The following IGF2BP3 variants were observed in gnomAD, a reference collection of about 807,000 sequenced individuals.
IGF2BP3 encodes the protein insulin like growth factor 2 mRNA binding protein 3, also known as insulin-like growth factor 2 mRNA-binding protein 3.
In IGF2BP3, 9 loss-of-function variants were observed where a neutral mutation model predicts 73.8. The ratio of observed to expected loss-of-function variants is 0.12; its 90% confidence interval spans 0.07 to 0.21. The LOEUF is 0.21. Among genes scored for constraint, IGF2BP3 ranks in the 10% least tolerant of loss-of-function variants. The pLI, the probability that IGF2BP3 is intolerant of heterozygous loss-of-function variation, is 1.00. For synonymous variants in IGF2BP3, 258 were observed against 256.7 expected (o/e 1.01, Z -0.05); for missense variants, 542 against 714.0 (o/e 0.76, Z 2.75).
intron 2 of IGF2BP3, among the ~76,000 whole-genome samples, chr7:23,436,970 G>C (rs1787821317): frequency 6.6e-6 from 1 of 151,896 alleles, no homozygotes; most frequent in South Asian, 2.1e-4. Flanking sequence ...ACAAAAATTA[G>C]CCAGGCATGG....
rs535540262 is a variant in IGF2BP3 at position 23,469,906 on chromosome 7, G to C, written c.175+30C>G. ...GGCGGGCGGTGCAGGGCTGGGGCGA[G>C]AGCCCGGGTGGGGCCAGGCCCGGGC... On this transcript the variant is annotated intron_variant, in intron 1 of 14. Transcript: ENST00000258729. This position sits in a 1 kb window ranked among gnomAD's most constrained non-coding sequence, Gnocchi z 6.1. The C allele has an allele frequency of 5.1e-6, 8 of 1,567,148 alleles. No homozygotes were observed. In the African/African-American group the frequency reaches 9.6e-5, roughly 19 times the overall value.
intron 2 of IGF2BP3, among the ~76,000 whole-genome samples, chr7:23,447,534 A>C (rs963365581): frequency 5.3e-5 from 8 of 151,864 alleles, no homozygotes; most frequent in African/African-American, 1.9e-4. Context: ...CTGAGGAATG[A>C]GAATTGCTTG....
At chr7:23,405,449 A>C (rs1329223458) in intron 3 of IGF2BP3, among the ~76,000 whole-genome samples, 1 of 152,220 alleles carries the variant, frequency 6.6e-6, no homozygotes, top group African/African-American at 2.4e-5. Context: ...GCCTAGACTC[A>C]GCAGCAAAAA....
At chr7:23,341,610 C>T (rs1015009094) in intron 10 of IGF2BP3, among the ~76,000 whole-genome samples, 21 of 152,144 alleles carry the variant, frequency 1.4e-4, no homozygotes, top group African/African-American at 5.1e-4. Flanking sequence ...GTGAAGGTTG[C>T]AGTGAGTCAA....
chr7:23,457,125 C>T (rs1302883627), intron 2 of IGF2BP3, among the ~76,000 whole-genome samples: 1 of 152,062 alleles, frequency 6.6e-6, no homozygotes, highest in Admixed American at 6.6e-5. Context: ...ATGTCCACAT[C>T]TTTTGACATA....
Position 23,376,016 on chromosome 7 carries a change from C to G in IGF2BP3, c.286-14275G>C, listed in dbSNP as rs1207390477. On this transcript the variant is annotated intron_variant, in intron 3 of 14. Transcript: ENST00000258729. ...ATTTAGCATGAGCAGTTCTCAACAT[C>G]CCATCAATAGGTGCAGTTAAGAATA... Among the ~76,000 whole-genome samples the G allele has an allele frequency of 2.6e-5, 4 of 152,186 alleles. No homozygotes were observed. In the East Asian group the frequency reaches 7.7e-4, roughly 29 times the overall value.
chr7:23,340,423 T>C (rs1245760104), intron 10 of IGF2BP3, among the ~76,000 whole-genome samples: 4 of 152,334 alleles, frequency 2.6e-5, no homozygotes, highest in African/African-American at 9.6e-5. Context: ...GAAATTTTCA[T>C]TTTTAAAAGG....
intron 3 of IGF2BP3, among the ~76,000 whole-genome samples, chr7:23,406,419 T>G (rs1240113930): frequency 6.6e-6 from 1 of 152,170 alleles, no homozygotes; most frequent in African/African-American, 2.4e-5. Context: ...AGCCGTGGAC[T>G]CCCACGGTGA....
At chr7:23,445,043 G>C (rs1044816205) in intron 2 of IGF2BP3, among the ~76,000 whole-genome samples, 2 of 152,334 alleles carry the variant, frequency 1.3e-5, no homozygotes, top group East Asian at 3.9e-4. Context: ...GGGCGGCAGA[G>C]TGAGACCCTG....
intron 2 of IGF2BP3, among the ~76,000 whole-genome samples, chr7:23,438,870 C>T (rs1182059231): frequency 1.3e-5 from 2 of 151,940 alleles, no homozygotes; most frequent in South Asian, 2.1e-4. Flanking sequence ...GACTGAGATG[C>T]TAAAAAAAAT....
At position 23,372,072 on chromosome 7, in the gene IGF2BP3, GT is replaced by G. The variant is rs571101695; in HGVS notation, c.286-10332del. The stretch of plus-strand genomic sequence containing the variant: ...AGGTGGTATTTGGTTACATGAATAA[GT>G]TTTTTTTTTTTCTTTTTTGAGATGG... On this transcript the variant is annotated intron_variant, in intron 3 of 14. Transcript: ENST00000258729. Among the ~76,000 whole-genome samples the G allele has an allele frequency of 3.4e-3, 495 of 147,192 alleles. 3 individuals are homozygous for G. Among genetic ancestry groups the G allele is most frequent in the African/African-American group, 9.2e-3 (371 of 40,386 alleles).
chr7:23,394,772 C>T (rs772568197), intron 3 of IGF2BP3: 2 of 152,100 alleles, frequency 1.3e-5, no homozygotes, highest in Non-Finnish European at 2.9e-5. Context: ...TCCTACCATA[C>T]AGAAACAAAG....
At position 23,470,266 on chromosome 7, in the gene IGF2BP3, A is replaced by G; in HGVS notation, c.-156T>C. 1 of 548,470 alleles carries G rather than the reference A, an allele frequency of 1.8e-6. No individual in the cohort carries two copies. Among genetic ancestry groups the G allele is most frequent in the Non-Finnish European group, 3.2e-6 (1 of 314,996 alleles). 34.0% of individuals were successfully genotyped at this position (548,470 alleles called of 1,614,324 possible). On this transcript the variant is annotated 5_prime_UTR_variant, in exon 1 of 15. Transcript: ENST00000258729. ...GAACCAAGCACAAGAACGAGGAGTG[A>G]AAAATCAGATCCGAGGCTTGTTTTT... is the stretch of plus-strand genomic sequence containing the variant.
chr7:23,376,392 G>A (rs1009978779), intron 3 of IGF2BP3, among the ~76,000 whole-genome samples: 9 of 151,342 alleles, frequency 5.9e-5, no homozygotes, highest in African/African-American at 1.7e-4. Flanking sequence ...AAAATTAGCC[G>A]GGCATGGTGG....
chr7:23,383,584 ATGTTAAAACATAAAGTTACTATG>A (rs1785981814), intron 3 of IGF2BP3, among the ~76,000 whole-genome samples: 1 of 152,228 alleles, frequency 6.6e-6, no homozygotes, highest in Non-Finnish European at 1.5e-5. Flanking sequence ...ATTTCTCAAA[ATGTTAAAACATAAAGTTACTATG>A]TGACTCTGCA....
In IGF2BP3 at chr7:23,438,642, C is replaced by T. The variant is rs186403899; in HGVS notation, c.237-19818G>A. 1.0e-3 allele frequency among the ~76,000 whole-genome samples: 157 copies of T among 151,952 alleles called. 1 individual carries two copies. Among genetic ancestry groups the T allele is most frequent in the Middle Eastern group, 6.8e-3 (2 of 294 alleles). ...TAAAAAATTTTTTAATTCCTTTCTA[C>T]TGGGAAGTCATTTCAAGGACCCCAC... On this transcript the variant is annotated intron_variant, in intron 2 of 14. Transcript: ENST00000258729.
intron 2 of IGF2BP3, among the ~76,000 whole-genome samples, chr7:23,441,139 C>CT (rs1314024699): frequency 6.6e-6 from 1 of 152,018 alleles, no homozygotes; most frequent in Non-Finnish European, 1.5e-5. Flanking sequence ...AGTTATGAGA[C>CT]TGAATAAATA....
intron 7 of IGF2BP3, among the ~76,000 whole-genome samples, chr7:23,346,400 C>A (rs1784828791): frequency 6.6e-6 from 1 of 152,114 alleles, no homozygotes; most frequent in Non-Finnish European, 1.5e-5. Flanking sequence ...TACAAATATA[C>A]ACCTGGAGAT....
At chr7:23,398,306 C>A (rs1022616620) in intron 3 of IGF2BP3, among the ~76,000 whole-genome samples, 6 of 152,218 alleles carry the variant, frequency 3.9e-5, no homozygotes, top group Admixed American at 6.5e-5. Flanking sequence ...TTAATCCAGT[C>A]TGTCATTGTT....
Sources: allele counts gnomAD v4.1 joint callset (sites outside exome capture counted in the v4.1 genomes callset), GRCh38; gene constraint gnomAD v4.1.1; non-coding constraint Gnocchi (gnomAD v3.1); transcripts MANE v1.5; gene names NCBI Gene and HGNC (gene_info 2026-07-23, HGNC 2026-07-21).